Variants in POLR3C observed in about 807,000 individuals in gnomAD.
The protein encoded by POLR3C is DNA-directed RNA polymerase III subunit RPC3.
POLR3C carries 44 observed loss-of-function variants against 65.9 expected under a neutral mutation model. That is an observed-to-expected ratio of 0.67 (90% CI 0.52 to 0.86). The LOEUF is 0.86. POLR3C is among the 40% of genes least tolerant of loss of function. POLR3C has a pLI of 0.00. For missense variants in POLR3C, 576 were observed against 653.2 expected (o/e 0.88, Z 1.29); for synonymous variants, 263 against 231.6 (o/e 1.14, Z -1.23).
intron 6 of POLR3C, 46 bp from the exon 7 acceptor site, chr1:145,833,444 A>T: frequency 6.5e-7 from 1 of 1,549,142 alleles, no homozygotes; most frequent in Non-Finnish European, 8.9e-7. Flanking sequence ...ACATAGAGCC[A>T]GGGGCAGCAC....
chr1:145,831,096 C>T (rs1553727057), intron 5 of POLR3C, among the ~76,000 whole-genome samples: 1 of 148,126 alleles, frequency 6.8e-6, no homozygotes, highest in African/African-American at 2.5e-5. Context: ...AAGACCCTGT[C>T]TCAAAAAAAA....
At chr1:145,825,135 A>C (rs587758806) in intron 1 of POLR3C, among the ~76,000 whole-genome samples, 4 of 151,980 alleles carry the variant, frequency 2.6e-5, no homozygotes, top group African/African-American at 9.7e-5. Context: ...TGGAGACAGA[A>C]TCTCGCACTG....
At chr1:145,834,532 G>A (rs587632866) in intron 7 of POLR3C, among the ~76,000 whole-genome samples, 51 of 151,494 alleles carry the variant, frequency 3.4e-4, no homozygotes, top group African/African-American at 1.2e-3. Context: ...AAAATTAGCC[G>A]GGCATGGTGG....
rs782199110 is a variant in POLR3C at position 145,837,530 on chromosome 1, A to G, written c.1010-6A>G. On this transcript the variant is annotated splice_region_variant and splice_polypyrimidine_tract_variant and intron_variant, in intron 9 of 14. Transcript: ENST00000334163. ...TTACTGAGTGACCTTAATTCTCTAC[A>G]TAAAGACCTCCATAAGGCATTAGCA... The G allele has an allele frequency of 1.9e-6, 3 of 1,567,032 alleles. No individual in the cohort carries two copies. Among genetic ancestry groups the G allele is most frequent in the Non-Finnish European group, 8.7e-7 (1 of 1,148,238 alleles).
At chr1:145,841,155 A>G in intron 14 of POLR3C, 84 bp downstream of exon 14, 1 of 1,185,780 alleles carries the variant, frequency 8.4e-7, no homozygotes, top group Non-Finnish European at 1.2e-6. Flanking sequence ...CCAGCTTAGC[A>G]TGAGCAAACC....
intron 4 of POLR3C, among the ~76,000 whole-genome samples, chr1:145,828,439 A>G (rs587655636): frequency 2.5e-4 from 38 of 152,300 alleles, no homozygotes; most frequent in Admixed American, 2.2e-3. Context: ...AAAATGAAAG[A>G]GAGAGGGTGA....
intron 4 of POLR3C, among the ~76,000 whole-genome samples, chr1:145,827,929 GGAAAAAAAAAA>G (rs1191953903): frequency 6.6e-6 from 1 of 151,538 alleles, no homozygotes; most frequent in Non-Finnish European, 1.5e-5. Context: ...CTCTGTCTCG[GGAAAAAAAAAA>G]GAAAAGAAAA....
chr1:145,844,099 T>TGTACC lies in POLR3C; in HGVS notation c.*1679_*1680insGTACC, dbSNP rs587605455. Among the ~76,000 whole-genome samples, 67 of 152,280 alleles carry TGTACC rather than the reference T, an allele frequency of 4.4e-4. No homozygotes were observed. Among genetic ancestry groups the TGTACC allele is most frequent in the African/African-American group, 1.6e-3 (66 of 41,550 alleles). On this transcript the variant is annotated 3_prime_UTR_variant, in exon 15 of 15. Transcript: ENST00000334163. The stretch of plus-strand genomic sequence containing the variant: ...AATTGGTACAGCCACTGTGGAAGAC[T>TGTACC]ACAGAGGTTCCTCAAAAAACTAAAA...
intron 4 of POLR3C, among the ~76,000 whole-genome samples, chr1:145,828,396 A>G (rs941749926): frequency 6.6e-6 from 1 of 152,208 alleles, no homozygotes; most frequent in Non-Finnish European, 1.5e-5. Flanking sequence ...GGATGGGAGA[A>G]TGGGGCAAAG....
intron 5 of POLR3C, among the ~76,000 whole-genome samples, chr1:145,831,980 TG>T (rs1279071943): frequency 1.9e-4 from 29 of 151,932 alleles, no homozygotes; most frequent in Non-Finnish European, 3.8e-4. Context: ...AGGTCAAGGC[TG>T]CAGTGAGCTA....
chr1:145,830,726 G>A (rs782477762), intron 5 of POLR3C, among the ~76,000 whole-genome samples: 22 of 151,608 alleles, frequency 1.5e-4, no homozygotes, highest in Admixed American at 2.6e-4. Context: ...CTGAACCTGG[G>A]AGGCAGGGGT....
intron 10 of POLR3C, 38 bp from the exon 11 acceptor site, chr1:145,838,018 A>T: frequency 6.2e-7 from 1 of 1,603,104 alleles, no homozygotes; most frequent in South Asian, 1.1e-5. Flanking sequence ...AAGCTGATCT[A>T]TGTTAGCATG....
At chr1:145,835,542 A>G (rs587626447) in intron 7 of POLR3C, among the ~76,000 whole-genome samples, 2 of 151,666 alleles carry the variant, frequency 1.3e-5, no homozygotes, top group South Asian at 2.1e-4. Flanking sequence ...AAATGGGACT[A>G]TTCATATGGC....
chr1:145,825,896 C>G lies in POLR3C; in HGVS notation c.120C>G (p.Ala40=). ...RTGSQPLRVI[A]HDTGTSLDQV... ...GCAGCCAGCCACTAAGAGTAATTGCCCATGACACAGGAACATCACTGGATC... is the reference window on the plus strand; with the variant it reads ...GCAGCCAGCCACTAAGAGTAATTGCGCATGACACAGGAACATCACTGGATC... The change falls in exon 2 of 15, where the codon GCC becomes GCG. Residue 40 remains alanine, a synonymous_variant. Coordinates refer to ENST00000334163, the MANE Select transcript of POLR3C (RefSeq NM_006468.8). The G allele has an allele frequency of 6.2e-7, 1 of 1,613,402 alleles. No homozygotes were observed. Among genetic ancestry groups the G allele is most frequent in the Non-Finnish European group, 8.5e-7 (1 of 1,179,350 alleles).
At chr1:145,830,732 G>A (rs898144049) in intron 5 of POLR3C, among the ~76,000 whole-genome samples, 34 of 151,964 alleles carry the variant, frequency 2.2e-4, no homozygotes, top group Non-Finnish European at 8.8e-5. Flanking sequence ...CTGGGAGGCA[G>A]GGGTTGCAGT....
chr1:145,824,530 T>G (rs782517911), intron 1 of POLR3C, 161 bp downstream of exon 1: 1 of 1,290,126 alleles, frequency 7.8e-7, no homozygotes, highest in Middle Eastern at 2.1e-4. Context: ...TCCAAAGATA[T>G]GTGGATGGAC....
intron 7 of POLR3C, among the ~76,000 whole-genome samples, chr1:145,835,383 T>G (rs895533456): frequency 1.7e-4 from 26 of 150,262 alleles, no homozygotes; most frequent in African/African-American, 6.1e-4. Context: ...AATGGGAGGT[T>G]GCAGTGAGCT....
chr1:145,843,201 T>C lies in POLR3C; in HGVS notation c.*781T>C, dbSNP rs1260094342. Among the ~76,000 whole-genome samples the C allele has an allele frequency of 8.0e-5, 11 of 137,198 alleles. No homozygotes were observed. Among genetic ancestry groups the C allele is most frequent in the Non-Finnish European group, 1.5e-4 (9 of 59,300 alleles). 90.0% of individuals were successfully genotyped at this position (137,198 alleles called of 152,430 possible). A position where few individuals can be genotyped will look rare whatever the true frequency, so the allele number is the denominator to read the frequency against. ...TTGCCAGCTCCAGGCTTCTAACACA[T>C]CTGAAACTGTGTATGTAGAACAGCT... On this transcript the variant is annotated 3_prime_UTR_variant, in exon 15 of 15. Coordinates refer to ENST00000334163, the MANE Select transcript of POLR3C (RefSeq NM_006468.8).
chr1:145,835,546 A>G (rs1651742930), intron 7 of POLR3C, among the ~76,000 whole-genome samples: 1 of 151,806 alleles, frequency 6.6e-6, no homozygotes, highest in Non-Finnish European at 1.5e-5. Context: ...GGGACTATTC[A>G]TATGGCTTTT....
Sources: allele counts gnomAD v4.1 joint callset (sites outside exome capture counted in the v4.1 genomes callset), GRCh38; gene constraint gnomAD v4.1.1; transcripts MANE v1.5; gene names NCBI Gene and HGNC (gene_info 2026-07-23, HGNC 2026-07-21).